Variants in WDR5 observed in about 807,000 individuals in gnomAD.
WDR5 encodes the protein WD repeat domain 5, also known as WD repeat-containing protein 5.
For synonymous variants in WDR5, 144 were observed against 161.6 expected (o/e 0.89, Z 0.83); for missense variants, 187 against 416.9 (o/e 0.45, Z 4.80).
At chr9:134,148,460 G>A (rs28695913) in intron 8 of WDR5, 117 bp downstream of exon 8, 371,693 of 885,278 alleles carry the variant, frequency 0.42, 82,772 homozygotes, top group Admixed American at 0.47. Flanking sequence ...CTTAATTTCC[G>A]AAGCTTCTCT....
chr9:134,150,657 C>T (rs1461225014), intron 8 of WDR5, among the ~76,000 whole-genome samples: 1 of 152,196 alleles, frequency 6.6e-6, no homozygotes, highest in Non-Finnish European at 1.5e-5. Context: ...GCCACCAACA[C>T]TGCTTTTCAA....
intron 9 of WDR5, among the ~76,000 whole-genome samples, 183 bp downstream of exon 9, chr9:134,152,212 T>A (rs1303196319): frequency 1.3e-5 from 2 of 152,256 alleles, no homozygotes; most frequent in African/African-American, 4.8e-5. Flanking sequence ...GCTCTGTTGC[T>A]CCTTCTGGTG....
chr9:134,145,877 C>T (rs1282379307), intron 7 of WDR5, among the ~76,000 whole-genome samples: 2 of 152,056 alleles, frequency 1.3e-5, no homozygotes, highest in African/African-American at 4.8e-5. Context: ...TGCTCCTTGG[C>T]TAGGGGCCTT....
At chr9:134,137,718 A>C (rs934253502) in intron 1 of WDR5, among the ~76,000 whole-genome samples, 1 of 149,754 alleles carries the variant, frequency 6.7e-6, no homozygotes, top group African/African-American at 2.4e-5. Context: ...GACCCCACCG[A>C]CGTAGAAACT....
At chr9:134,144,666 C>G (rs1832076847) in intron 7 of WDR5, among the ~76,000 whole-genome samples, 1 of 152,000 alleles carries the variant, frequency 6.6e-6, no homozygotes. Context: ...ATAGTGAGAT[C>G]CTGTCTCTAT....
chr9:134,143,374 C>T (rs915710938), intron 7 of WDR5, among the ~76,000 whole-genome samples: 1 of 152,188 alleles, frequency 6.6e-6, no homozygotes, highest in Non-Finnish European at 1.5e-5. Context: ...AACCCCGTCT[C>T]TACTAAAAAT....
At chr9:134,155,901 C>T (rs888859730) in intron 12 of WDR5, 134 bp downstream of exon 12, 20 of 827,556 alleles carry the variant, frequency 2.4e-5, no homozygotes, top group East Asian at 1.0e-4. Flanking sequence ...TCAACCAAAG[C>T]GCACTGCGCC....
At chr9:134,136,541 C>T (rs1013875592) in intron 1 of WDR5, among the ~76,000 whole-genome samples, 2 of 152,182 alleles carry the variant, frequency 1.3e-5, no homozygotes, top group African/African-American at 4.8e-5. Context: ...CTCCACTGCC[C>T]CTTCAGGGAA....
intron 9 of WDR5, among the ~76,000 whole-genome samples, chr9:134,152,820 C>T (rs879620776): frequency 9.9e-5 from 15 of 152,190 alleles, no homozygotes; most frequent in Admixed American, 5.9e-4. Context: ...TGTGTCTCCC[C>T]GCAGTCCAGG....
intron 10 of WDR5, 35 bp downstream of exon 10, chr9:134,154,576 T>A (rs1188504175): frequency 1.2e-6 from 2 of 1,608,942 alleles, no homozygotes; most frequent in Non-Finnish European, 1.7e-6. Flanking sequence ...GGCGGGCATG[T>A]GGCCTCCCCA....
intron 7 of WDR5, among the ~76,000 whole-genome samples, chr9:134,146,209 C>T (rs545185094): frequency 2.0e-5 from 3 of 150,928 alleles, no homozygotes; most frequent in African/African-American, 4.9e-5. Flanking sequence ...CCTCATAATC[C>T]GCCCACCTCG....
At chr9:134,149,991 C>T (rs944565926) in intron 8 of WDR5, among the ~76,000 whole-genome samples, 3 of 152,174 alleles carry the variant, frequency 2.0e-5, no homozygotes, top group Non-Finnish European at 4.4e-5. Context: ...GAACATGTCC[C>T]CTGTGACTTT....
intron 12 of WDR5, 135 bp from the exon 13 acceptor site, chr9:134,156,371 T>C: frequency 1.2e-6 from 1 of 814,722 alleles, no homozygotes; most frequent in Non-Finnish European, 2.0e-6. Context: ...GCAGGGCTTT[T>C]TGGTTGAGTT....
chr9:134,142,823 G>A, intron 7 of WDR5, 104 bp downstream of exon 7: 1 of 1,171,364 alleles, frequency 8.5e-7, no homozygotes, highest in East Asian at 2.3e-5. Context: ...GCCATGGCCT[G>A]TGCCTAGCTG....
At chr9:134,145,596 A>G (rs550811518) in intron 7 of WDR5, among the ~76,000 whole-genome samples, 3 of 152,366 alleles carry the variant, frequency 2.0e-5, no homozygotes, top group South Asian at 2.1e-4. Context: ...GAAATGCAGT[A>G]GTCAGGATAT....
intron 5 of WDR5, 64 bp from the exon 6 acceptor site, chr9:134,142,269 G>A: frequency 6.5e-7 from 1 of 1,530,258 alleles, no homozygotes; most frequent in Non-Finnish European, 9.0e-7. Flanking sequence ...ATTGATGAAT[G>A]TGACCTGACT....
chr9:134,145,393 C>T (rs1436224549), intron 7 of WDR5, among the ~76,000 whole-genome samples: 1 of 152,240 alleles, frequency 6.6e-6, no homozygotes, highest in African/African-American at 2.4e-5. Context: ...GCCGCTGCGC[C>T]TGGCCTGGGG....
rs531166973 is a variant in WDR5 at position 134,157,279 on chromosome 9, G to A, written c.905-614G>A. On this transcript the variant is annotated intron_variant, in intron 13 of 13. Coordinates refer to ENST00000358625, the MANE Select transcript of WDR5 (RefSeq NM_017588.3). The surrounding 1 kb of genome is among the most constrained non-coding windows in gnomAD (Gnocchi z 5.0). ...GGCCTGGGCCTTCCCCTGGGTCCTC[G>A]CCGGCGTTCTGGGGTTCTTTGGTTT... 6.2e-4 allele frequency among the ~76,000 whole-genome samples: 94 copies of A among 152,308 alleles called. No homozygotes were observed. Among genetic ancestry groups the A allele is most frequent in the Non-Finnish European group, 7.8e-4 (53 of 68,018 alleles).
chr9:134,139,850 T>C lies in WDR5; in HGVS notation c.-28T>C. ...CTCTGTCACCGGGTCCCTCCACCCT[T>C]GTCTCCTGTGCGGCCAGCGTCAGAG... is the stretch of plus-strand genomic sequence containing the variant. On this transcript the variant is annotated 5_prime_UTR_variant, in exon 2 of 14. Transcript: ENST00000358625. 1.9e-6 allele frequency: 3 copies of C among 1,613,324 alleles called. No individual in the cohort carries two copies. The highest frequency in any genetic ancestry group is 2.5e-6 in the Non-Finnish European group (3 of 1,179,838).
Sources: allele counts gnomAD v4.1 joint callset (sites outside exome capture counted in the v4.1 genomes callset), GRCh38; gene constraint gnomAD v4.1.1; non-coding constraint Gnocchi (gnomAD v3.1); transcripts MANE v1.5; gene names NCBI Gene and HGNC (gene_info 2026-07-23, HGNC 2026-07-21).